CHD1L: variants seen among roughly 807,000 people sequenced by gnomAD.
The protein encoded by CHD1L is chromodomain helicase DNA binding protein 1 like.
CHD1L carries 118 observed loss-of-function variants against 115.9 expected under a neutral mutation model. The ratio of observed to expected loss-of-function variants is 1.02; its 90% CI spans 0.88 to 1.19. The LOEUF (loss-of-function observed/expected upper bound fraction) is 1.19. Ranked by LOEUF, CHD1L falls within the 50% of genes most tolerant of loss-of-function variation. The probability of loss-of-function intolerance (pLI) is 0.00; values close to 1 mark genes in which losing one functional copy is unlikely to be tolerated. For missense variants in CHD1L, 1,179 were observed against 1,065.3 expected (o/e 1.11, Z -1.49); for synonymous variants, 411 against 387.1 (o/e 1.06, Z -0.72).
chr1:147,224,761 C>T, the CHD1L span: 7,791 of 758,706 alleles, frequency 0.01, 82 homozygotes, highest in Middle Eastern at 0.028. Context: ...CCGCCCGCCT[C>T]GGCCTCCCAA....
At chr1:147,262,580 G>A (rs782309244) in intron 6 of CHD1L, among the ~76,000 whole-genome samples, 1 of 152,078 alleles carries the variant, frequency 6.6e-6, no homozygotes, top group East Asian at 1.9e-4. Context: ...AACACATATT[G>A]TAAGAATGTG....
At chr1:147,213,719 A>T in the CHD1L span, among the ~76,000 whole-genome samples, 1 of 152,200 alleles carries the variant, frequency 6.6e-6, no homozygotes, top group Non-Finnish European at 1.5e-5. Flanking sequence ...AGTGCAAGTC[A>T]CCAGGTCTCT....
intron 14 of CHD1L, among the ~76,000 whole-genome samples, chr1:147,276,495 T>C (rs1468905619): frequency 9.2e-5 from 14 of 152,350 alleles, no homozygotes; most frequent in African/African-American, 3.1e-4. Flanking sequence ...TTCTTAGATC[T>C]ACTCTTTTTG....
intron 17 of CHD1L, 72 bp from the exon 18 acceptor site, chr1:147,286,226 C>A: frequency 7.2e-7 from 1 of 1,383,658 alleles, no homozygotes; most frequent in Non-Finnish European, 1.0e-6. Flanking sequence ...TTGTGAACAG[C>A]AGTATAAAAT....
At chr1:147,255,543 G>A (rs1328634554) in intron 3 of CHD1L, among the ~76,000 whole-genome samples, 1 of 151,974 alleles carries the variant, frequency 6.6e-6, no homozygotes, top group Non-Finnish European at 1.5e-5. Flanking sequence ...TCATAGTGAC[G>A]TAGGAAGTAA....
Position 147,243,175 on chromosome 1 carries a change from T to C in CHD1L, c.127+345T>C, listed in dbSNP as rs1191236505. ...GCCTGGTGCACCAAGGATGTAGGTT[T>C]CCAGTTGCTGTTCCGGTGGGTTTGG... On this transcript the variant is annotated intron_variant, in intron 1 of 22. Coordinates refer to ENST00000369258, the MANE Select transcript of CHD1L (RefSeq NM_004284.6). 3 of 186,136 alleles carry C rather than the reference T, an allele frequency of 1.6e-5. No individual in the cohort carries two copies. In the East Asian group the frequency reaches 3.9e-4, roughly 24 times the overall value. The allele number at this position is 186,136 out of a possible 1,614,324, so 11.5% of individuals were successfully genotyped here.
At chr1:147,208,869 G>A in the CHD1L span, 1 of 1,613,912 alleles carries the variant, frequency 6.2e-7, no homozygotes. Flanking sequence ...TAGGCTTCAG[G>A]CCAAACATTT....
At chr1:147,289,937 A>G (rs1177255107) in intron 19 of CHD1L, among the ~76,000 whole-genome samples, 3 of 152,134 alleles carry the variant, frequency 2.0e-5, no homozygotes, top group Admixed American at 2.0e-4. Context: ...AACCTTATCT[A>G]ATGGAATGGG....
chr1:147,189,271 TAA>T, the CHD1L span, among the ~76,000 whole-genome samples: 60 of 142,716 alleles, frequency 4.2e-4, no homozygotes, highest in Non-Finnish European at 4.1e-4. Flanking sequence ...AGACTCCGTC[TAA>T]AAAAAAAAAA....
intron 6 of CHD1L, among the ~76,000 whole-genome samples, chr1:147,263,743 G>A (rs1225104563): frequency 2.0e-5 from 3 of 151,190 alleles, no homozygotes; most frequent in Non-Finnish European, 4.4e-5. Context: ...TCTGTTGTTC[G>A]AAATTTAAGG....
intron 14 of CHD1L, among the ~76,000 whole-genome samples, chr1:147,278,694 A>G (rs1386836663): frequency 4.6e-5 from 7 of 152,100 alleles, no homozygotes; most frequent in Admixed American, 3.9e-4. Context: ...TGTAGTGAAC[A>G]CTTATTGGAT....
chr1:147,231,206 G>A, the CHD1L span, among the ~76,000 whole-genome samples: 1 of 152,076 alleles, frequency 6.6e-6, no homozygotes, highest in Admixed American at 6.5e-5. Flanking sequence ...GGTACACTGT[G>A]TCTTTGTTCT....
chr1:147,246,887 G>A (rs1321298077), intron 1 of CHD1L, among the ~76,000 whole-genome samples: 2 of 151,966 alleles, frequency 1.3e-5, no homozygotes, highest in African/African-American at 2.4e-5. Flanking sequence ...TTGTTGTTTG[G>A]TGTCAAATAT....
chr1:147,203,464 A>G, the CHD1L span: 24 of 829,154 alleles, frequency 2.9e-5, no homozygotes, highest in Non-Finnish European at 5.0e-5. Context: ...TACAGCAGGG[A>G]CTACAGCCTC....
chr1:147,216,220 C>A, the CHD1L span, among the ~76,000 whole-genome samples: 1 of 152,170 alleles, frequency 6.6e-6, no homozygotes. Context: ...AGAAAGCTCG[C>A]TCTGGTAGAA....
At chr1:147,224,056 C>A in the CHD1L span, 1 of 392,718 alleles carries the variant, frequency 2.5e-6, no homozygotes, top group South Asian at 1.9e-5. Context: ...AGCTGGTTGT[C>A]TTCCTGCCTG....
chr1:147,223,395 A>G, the CHD1L span, among the ~76,000 whole-genome samples: 1 of 152,250 alleles, frequency 6.6e-6, no homozygotes, highest in South Asian at 2.1e-4. Context: ...TTTCGGTTCA[A>G]CTAAGAAATG....
the CHD1L span, among the ~76,000 whole-genome samples, chr1:147,190,682 T>G: frequency 7.1e-6 from 1 of 141,014 alleles, no homozygotes. Context: ...AAAAATAAAT[T>G]TTTTGTTTTT....
chr1:147,290,758 A>T (rs1208131269), intron 19 of CHD1L, among the ~76,000 whole-genome samples: 4 of 152,040 alleles, frequency 2.6e-5, no homozygotes, highest in African/African-American at 9.7e-5. Context: ...TGCTCAAGAG[A>T]TCCTCCCACC....
Sources: allele counts gnomAD v4.1 joint callset (sites outside exome capture counted in the v4.1 genomes callset), GRCh38; gene constraint gnomAD v4.1.1; transcripts MANE v1.5; gene names NCBI Gene and HGNC (gene_info 2026-07-23, HGNC 2026-07-21).